NRCAM: variants seen among roughly 807,000 people sequenced by gnomAD.
NRCAM encodes neuronal cell adhesion molecule.
NRCAM carries 83 observed loss-of-function variants against 156.5 expected under a neutral mutation model. That is an observed-to-expected ratio of 0.53 (90% CI 0.44 to 0.64). The LOEUF is 0.64. Among genes scored for constraint, NRCAM ranks in the 30% least tolerant of loss-of-function variants. The pLI, the probability that NRCAM is intolerant of heterozygous loss-of-function variation, is 0.00. For synonymous variants in NRCAM, 538 were observed against 563.9 expected (o/e 0.95, Z 0.65); for missense variants, 1,417 against 1,597.3 (o/e 0.89, Z 1.92).
intron 13 of NRCAM, among the ~76,000 whole-genome samples, chr7:108,206,987 G>C (rs1302976328): frequency 1.3e-5 from 2 of 152,178 alleles, no homozygotes; most frequent in African/African-American, 4.8e-5. Context: ...TCCTGCATAC[G>C]ATCAGGGTCA....
chr7:108,256,538 G>A (rs2096671262), intron 3 of NRCAM, among the ~76,000 whole-genome samples: 1 of 151,292 alleles, frequency 6.6e-6, no homozygotes, highest in Non-Finnish European at 1.5e-5. Flanking sequence ...TTGTTCACAT[G>A]TTTATCTGCT....
chr7:108,292,536 A>AATC (rs1230091309), intron 3 of NRCAM, among the ~76,000 whole-genome samples: 1 of 152,204 alleles, frequency 6.6e-6, no homozygotes, highest in African/African-American at 2.4e-5. Flanking sequence ...TTAAGTAAAA[A>AATC]ATCATCAAAC....
intron 1 of NRCAM, among the ~76,000 whole-genome samples, chr7:108,408,060 G>C (rs904713043): frequency 1.1e-4 from 16 of 152,250 alleles, no homozygotes; most frequent in African/African-American, 3.1e-4. Flanking sequence ...TATTTTTAAA[G>C]AAGTGATTTT....
rs181743359 is a variant in NRCAM at position 108,284,003 on chromosome 7, C to T, written c.-107+28662G>A. On this transcript the variant is annotated intron_variant, in intron 3 of 32. Transcript: ENST00000379028. ...TGGATTACAGGCACACACCACCAAA[C>T]CTGGCTAATATTTTCTATTTTTTAG... 2.3e-3 allele frequency among the ~76,000 whole-genome samples: 346 copies of T among 152,162 alleles called. 5 individuals carry two copies. Among genetic ancestry groups the T allele is most frequent in the Admixed American group, 0.014 (221 of 15,276 alleles).
chr7:108,425,511 G>A (rs1816032066), intron 1 of NRCAM, among the ~76,000 whole-genome samples: 1 of 152,138 alleles, frequency 6.6e-6, no homozygotes, highest in South Asian at 2.1e-4. Flanking sequence ...ATCATAGTGT[G>A]TCCATTTTCC....
chr7:108,398,006 T>C (rs779221016), intron 2 of NRCAM, among the ~76,000 whole-genome samples: 2 of 152,308 alleles, frequency 1.3e-5, no homozygotes, highest in African/African-American at 2.4e-5. Context: ...AAATGAATAA[T>C]ATTGAAGGCT....
chr7:108,315,755 G>A (rs866314549), intron 2 of NRCAM, among the ~76,000 whole-genome samples: 3 of 152,168 alleles, frequency 2.0e-5, no homozygotes, highest in South Asian at 2.1e-4. Flanking sequence ...GGATCCATTC[G>A]AGCAAGAAAC....
chr7:108,353,016 A>AT (rs1274471978), intron 2 of NRCAM, among the ~76,000 whole-genome samples: 1 of 151,026 alleles, frequency 6.6e-6, no homozygotes, highest in East Asian at 1.9e-4. Context: ...CCACACATGT[A>AT]TTTTTTTAAA....
intron 3 of NRCAM, among the ~76,000 whole-genome samples, chr7:108,296,825 C>T (rs753531091): frequency 2.0e-5 from 3 of 152,126 alleles, no homozygotes; most frequent in Non-Finnish European, 2.9e-5. Flanking sequence ...AGAAAAATCT[C>T]TAAGAAACAA....
In NRCAM at chr7:108,343,246, G is replaced by A. The variant is rs143106731; in HGVS notation, c.-173-30515C>T. Reference sequence around the variant, plus strand: ...GGCAGTAGAATTAGAAGGAAAAAGGGTAAATATATATACAGACTCTAAGTA... The same window carrying A: ...GGCAGTAGAATTAGAAGGAAAAAGGATAAATATATATACAGACTCTAAGTA... On this transcript the variant is annotated intron_variant, in intron 2 of 32. Coordinates refer to ENST00000379028, the MANE Select transcript of NRCAM (RefSeq NM_001037132.4). Among the ~76,000 whole-genome samples the A allele has an allele frequency of 4.9e-3, 745 of 152,268 alleles. 3 individuals carry two copies. Among genetic ancestry groups the A allele is most frequent in the Admixed American group, 9.7e-3 (149 of 15,302 alleles).
intron 2 of NRCAM, among the ~76,000 whole-genome samples, chr7:108,350,515 G>A (rs1291489641): frequency 6.6e-6 from 1 of 152,200 alleles, no homozygotes; most frequent in African/African-American, 2.4e-5. Context: ...CCACTTGGGT[G>A]GGACAATATT....
intron 11 of NRCAM, 117 bp from the exon 12 acceptor site, chr7:108,209,722 CAT>C (rs779475613): frequency 2.3e-5 from 17 of 724,038 alleles, no homozygotes; most frequent in Non-Finnish European, 3.2e-5. Flanking sequence ...ATAAGAAATA[CAT>C]AGATATTTTA....
In NRCAM at chr7:108,234,644, T is replaced by C. The variant is rs770168330; in HGVS notation, c.169A>G (p.Ile57Val). ...ACAATATTCTCCCGAGGGTCAATAATGTAATCTTTTGGAGACTGTTGGGTG... is the reference window on the plus strand; with the variant it reads ...ACAATATTCTCCCGAGGGTCAATAACGTAATCTTTTGGAGACTGTTGGGTG... The part of the protein sequence containing the change: ...TITQQSPKDY[I>V]IDPRENIVIQ... The change falls in exon 6 of 33, where the codon ATT becomes GTT. Residue 57 changes from isoleucine to valine, a missense_variant. Physicochemically the swap from Ile to Val is conservative, Grantham distance 29. Around this residue, in one of 2 missense-constraint regions of NRCAM, gnomAD observed 1,238 missense variants for 1,336.4 expected, o/e 0.93. Coordinates refer to ENST00000379028, the MANE Select transcript of NRCAM (RefSeq NM_001037132.4). The C allele has an allele frequency of 1.2e-6, 2 of 1,613,082 alleles. No individual in the cohort carries two copies. The highest frequency in any genetic ancestry group is 8.5e-7 in the Non-Finnish European group (1 of 1,179,446).
chr7:108,264,969 TTG>T, intron 3 of NRCAM, among the ~76,000 whole-genome samples: 1 of 152,218 alleles, frequency 6.6e-6, no homozygotes, highest in South Asian at 2.1e-4. Context: ...GTCCTCACAT[TTG>T]TGTAAGAGGA....
rs936019366 is a variant in NRCAM, at chr7:108,410,207, A to C, written c.-331-10614T>G. ...AGTACAGATAGAAAAATATAAGCCCATATTAAATAGCCCTTGATTAAATTT... is the reference window on the plus strand; with the variant it reads ...AGTACAGATAGAAAAATATAAGCCCCTATTAAATAGCCCTTGATTAAATTT... On this transcript the variant is annotated intron_variant, in intron 1 of 32. Coordinates refer to ENST00000379028, the MANE Select transcript of NRCAM (RefSeq NM_001037132.4). Among the ~76,000 whole-genome samples, 6 of 152,236 alleles carry C rather than the reference A, an allele frequency of 3.9e-5. No homozygotes were observed. In the East Asian group the frequency reaches 1.2e-3, roughly 29 times the overall value.
chr7:108,256,589 CCCTCTCCG>C (rs1471611382), intron 3 of NRCAM, among the ~76,000 whole-genome samples: 8 of 151,988 alleles, frequency 5.3e-5, no homozygotes, highest in African/African-American at 1.7e-4. Context: ...TGCCAAATCC[CCCTCTCCG>C]AGAAACACCC....
chr7:108,175,248 C>T, intron 28 of NRCAM, 74 bp downstream of exon 28: 2 of 1,186,676 alleles, frequency 1.7e-6, no homozygotes, highest in South Asian at 1.5e-5. Context: ...TCTGTTTTAC[C>T]CATGCTGCAC....
intron 2 of NRCAM, among the ~76,000 whole-genome samples, chr7:108,315,657 C>T (rs955268068): frequency 2.0e-5 from 3 of 152,192 alleles, no homozygotes; most frequent in African/African-American, 7.2e-5. Flanking sequence ...GCACCAAGTT[C>T]AGCCTACTCC....
chr7:108,302,626 G>A (rs1015229776), intron 3 of NRCAM, among the ~76,000 whole-genome samples: 6 of 152,172 alleles, frequency 3.9e-5, no homozygotes, highest in Non-Finnish European at 5.9e-5. Context: ...GGGGCAACCT[G>A]CTTGACTCCC....
Sources: allele counts gnomAD v4.1 joint callset (sites outside exome capture counted in the v4.1 genomes callset), GRCh38; gene constraint gnomAD v4.1.1; regional missense constraint gnomAD v4.1.1; transcripts MANE v1.5; gene names NCBI Gene and HGNC (gene_info 2026-07-23, HGNC 2026-07-21).